Variants in PAM observed in about 807,000 individuals in gnomAD.
PAM encodes the protein peptidylglycine alpha-amidating monooxygenase, also known as peptidyl-glycine alpha-amidating monooxygenase.
A neutral mutation model predicts 122.1 loss-of-function variants in PAM; 72 were observed. The observed-to-expected ratio is 0.59, with a 90% confidence interval of 0.49 to 0.72. The LOEUF (loss-of-function observed/expected upper bound fraction) is 0.72. PAM is among the 30% of genes least tolerant of loss of function. PAM has a pLI of 0.00. For missense variants in PAM, 1,106 were observed against 1,183.7 expected (o/e 0.93, Z 0.96); for synonymous variants, 389 against 404.4 (o/e 0.96, Z 0.46).
In PAM at chr5:102,901,380, A is replaced by G. The variant is rs552041810; in HGVS notation, c.235A>G (p.Met79Val). 3.1e-6 allele frequency: 5 copies of G among 1,590,868 alleles called. No individual in the cohort carries two copies. In the South Asian group the frequency reaches 4.4e-5, roughly 14 times the overall value. ...GTCCGATACATACTTCTGCATGTCT[A>G]TGCGAATACCAGTGGATGAGGAAGC... ...KQSDTYFCMS[M>V]RIPVDEEAFV... Residue 79 changes from methionine to valine, a missense_variant, in exon 4 of 26, where the codon ATG becomes GTG. Coordinates refer to ENST00000438793, the MANE Select transcript of PAM (RefSeq NM_001177306.2).
intron 21 of PAM, among the ~76,000 whole-genome samples, chr5:103,011,541 A>G (rs566283642): frequency 4.7e-4 from 71 of 152,244 alleles, no homozygotes; most frequent in African/African-American, 1.7e-3. Context: ...TGCCTGGCTT[A>G]TTTCATCTAT....
chr5:102,842,305 A>T lies in PAM; in HGVS notation c.-373-23518A>T, dbSNP rs915478831. Among the ~76,000 whole-genome samples the T allele has an allele frequency of 2.6e-5, 4 of 152,038 alleles. No individual in the cohort carries two copies. The South Asian group carries it at 8.3e-4, about 32-fold the overall frequency. On this transcript the variant is annotated intron_variant, in intron 1 of 25. Coordinates refer to ENST00000438793, the MANE Select transcript of PAM (RefSeq NM_001177306.2). Reference sequence around the variant, plus strand: ...TTGGCTATGTCCCCACCCAAATTTCATCTTAAATTCCCATGTGTTGTGGGA... The same window carrying T: ...TTGGCTATGTCCCCACCCAAATTTCTTCTTAAATTCCCATGTGTTGTGGGA...
intron 16 of PAM, among the ~76,000 whole-genome samples, chr5:103,002,005 AAC>A (rs571140915): frequency 6.6e-6 from 1 of 151,800 alleles, no homozygotes; most frequent in Non-Finnish European, 1.5e-5. Flanking sequence ...TATATTTATA[AAC>A]ACACACACAT....
intron 1 of PAM, among the ~76,000 whole-genome samples, chr5:102,844,210 G>T (rs550247279): frequency 1.5e-4 from 23 of 152,140 alleles, no homozygotes; most frequent in Non-Finnish European, 3.2e-4. Flanking sequence ...CTCAGATTAC[G>T]CACTATATGA....
chr5:102,894,380 C>A (rs1336085986), intron 3 of PAM, among the ~76,000 whole-genome samples: 1 of 151,594 alleles, frequency 6.6e-6, no homozygotes, highest in East Asian at 1.9e-4. Flanking sequence ...ACATTGTCAA[C>A]TACCCTCTCC....
intron 3 of PAM, among the ~76,000 whole-genome samples, chr5:102,892,038 T>C (rs2151285265): frequency 6.6e-6 from 1 of 151,826 alleles, no homozygotes; most frequent in East Asian, 1.9e-4. Context: ...TCCTAATGAT[T>C]GCTTTAGAGA....
At chr5:102,955,549 C>G (rs1482347656) in intron 12 of PAM, among the ~76,000 whole-genome samples, 2 of 152,054 alleles carry the variant, frequency 1.3e-5, no homozygotes. Context: ...CACATTATGT[C>G]AGACCTAAAG....
In PAM at chr5:102,888,125, G is replaced by T. The variant is rs116775030; in HGVS notation, c.211-13231G>T. ...AGCACATCAGGTTTTGCTCATCATT[G>T]TATCTCATCAGTCTATTCCAGTGTA... On this transcript the variant is annotated intron_variant, in intron 3 of 25. Transcript: ENST00000438793. 6.7e-3 allele frequency among the ~76,000 whole-genome samples: 1,014 copies of T among 152,176 alleles called. 8 individuals carry two copies. Among genetic ancestry groups the T allele is most frequent in the Non-Finnish European group, 0.012 (845 of 67,958 alleles).
chr5:102,849,432 C>G (rs1780790857), intron 1 of PAM, among the ~76,000 whole-genome samples: 1 of 151,954 alleles, frequency 6.6e-6, no homozygotes, highest in South Asian at 2.1e-4. Context: ...GTGGCATGCA[C>G]CTGTAGTCCC....
intron 15 of PAM, among the ~76,000 whole-genome samples, chr5:102,983,320 T>C (rs1770546125): frequency 6.6e-6 from 1 of 151,350 alleles, no homozygotes; most frequent in East Asian, 2.0e-4. Flanking sequence ...CGGGGTGGCG[T>C]GTGCGTATAA....
rs139774305 is a variant in PAM at position 102,936,100 on chromosome 5, G to T, written c.526+9432G>T. On this transcript the variant is annotated intron_variant, in intron 7 of 25. Coordinates refer to ENST00000438793, the MANE Select transcript of PAM (RefSeq NM_001177306.2). ...TTTACTATTATCTGTGCACTTGAGG[G>T]TATTTGCATCTGTTGTATCTGTGTG... is the stretch of plus-strand genomic sequence containing the variant. 3.9e-5 allele frequency among the ~76,000 whole-genome samples: 6 copies of T among 152,118 alleles called. No individual in the cohort carries two copies. The East Asian group carries it at 1.2e-3, about 29-fold the overall frequency.
At chr5:102,861,495 G>C (rs887031547) in intron 1 of PAM, among the ~76,000 whole-genome samples, 1 of 151,434 alleles carries the variant, frequency 6.6e-6, no homozygotes, top group Non-Finnish European at 1.5e-5. Flanking sequence ...GGTCATAGAA[G>C]CTGAAGACAG....
chr5:103,021,059 T>C (rs1783400544), intron 23 of PAM, among the ~76,000 whole-genome samples: 1 of 152,158 alleles, frequency 6.6e-6, no homozygotes, highest in South Asian at 2.1e-4. Context: ...TAGCTATCAC[T>C]TACAGAGCAG....
intron 1 of PAM, among the ~76,000 whole-genome samples, chr5:102,803,635 T>G (rs1765470482): frequency 6.6e-6 from 1 of 152,118 alleles, no homozygotes; most frequent in African/African-American, 2.4e-5. Context: ...TGTTTTTCAT[T>G]TCTAAAAGTG....
chr5:102,967,052 T>C (rs1035460035), intron 14 of PAM, among the ~76,000 whole-genome samples: 1 of 152,202 alleles, frequency 6.6e-6, no homozygotes, highest in South Asian at 2.1e-4. Flanking sequence ...ATAGGACCAT[T>C]TTTCAATGTA....
chr5:102,914,563 A>G (rs2151582193), intron 5 of PAM, among the ~76,000 whole-genome samples: 1 of 152,230 alleles, frequency 6.6e-6, no homozygotes, highest in South Asian at 2.1e-4. Context: ...TTCTACCCGA[A>G]GAGCATCATG....
chr5:102,900,627 G>A (rs1356083120), intron 3 of PAM, among the ~76,000 whole-genome samples: 3 of 151,558 alleles, frequency 2.0e-5, no homozygotes, highest in Non-Finnish European at 1.5e-5. Flanking sequence ...TATTAAAAGA[G>A]TGCAGCCTGT....
rs766639408 is a variant in PAM, at chr5:102,949,923, G to C, written c.746G>C (p.Arg249Thr). 1 of 1,578,554 alleles carries C rather than the reference G, an allele frequency of 6.3e-7. No individual in the cohort carries two copies. Among genetic ancestry groups the C allele is most frequent in the South Asian group, 1.1e-5 (1 of 89,942 alleles). Reference sequence around the variant, plus strand: ...ACAGGTAAGGTAGTAAGTGGATACAGAGTAAGAAATGGACAGTGGACACTG... The same window carrying C: ...ACAGGTAAGGTAGTAAGTGGATACACAGTAAGAAATGGACAGTGGACACTG... The part of the protein sequence containing the change: ...HHLGKVVSGY[R>T]VRNGQWTLIG... Residue 249 changes from arginine (R) to threonine (T), a missense_variant, in exon 11 of 26, where the codon AGA (arginine) becomes ACA (threonine). This residue lies in a region of PAM where 670 missense variants were observed against 690.3 expected (regional missense o/e 0.97). Coordinates refer to ENST00000438793, the MANE Select transcript of PAM (RefSeq NM_001177306.2).
chr5:102,971,727 T>C (rs190300149), intron 14 of PAM, among the ~76,000 whole-genome samples: 4 of 152,348 alleles, frequency 2.6e-5, no homozygotes, highest in Admixed American at 2.6e-4. Flanking sequence ...ACTTGCTTTA[T>C]TTATGTTCTA....
Sources: gnomAD v4.1 joint callset for allele counts (sites outside exome capture counted in the v4.1 genomes callset) on GRCh38, gnomAD v4.1.1 for gene constraint, gnomAD v4.1.1 regional missense constraint, MANE v1.5 for transcripts, NCBI Gene and HGNC (gene_info 2026-07-23, HGNC 2026-07-21) for gene names.